Variants in VWCE observed in about 807,000 individuals in gnomAD.
VWCE encodes von Willebrand factor C and EGF domain-containing protein.
VWCE carries 68 observed loss-of-function variants against 102.9 expected under a neutral mutation model. That is an observed-to-expected ratio of 0.66 (90% CI 0.54 to 0.81). The LOEUF (loss-of-function observed/expected upper bound fraction) is 0.81, where lower values mean the gene tolerates loss of function less well. Ranked by LOEUF, VWCE falls within the 30% of genes least tolerant of loss-of-function variation. The probability of loss-of-function intolerance (pLI) is 0.00; values close to 1 mark genes in which losing one functional copy is unlikely to be tolerated. For missense variants in VWCE, 1,137 were observed against 1,263.6 expected (o/e 0.90, Z 1.52); for synonymous variants, 497 against 515.4 (o/e 0.96, Z 0.48).
Position 61,281,910 on chromosome 11 carries a change from T to G in VWCE, c.663A>C (p.Val221=). 1.2e-6 allele frequency: 2 copies of G among 1,613,248 alleles called. No homozygotes were observed. Among genetic ancestry groups the G allele is most frequent in the Non-Finnish European group, 1.7e-6 (2 of 1,179,494 alleles). ...TCTCCAATGGCCTCCGACACTCGTT[T>G]ACATCTGCGGGAGAGCCTCGCTGCG... The part of the protein sequence containing the change: ...LHGNRHSCVD[V]NECRRPLERR... The change falls in exon 7 of 20, where the codon GTA becomes GTC. Residue 221 remains valine (V), a synonymous_variant. Transcript: ENST00000335613.
intron 16 of VWCE, 48 bp from the exon 17 acceptor site, chr11:61,265,260 C>A (rs748259601): frequency 7.0e-7 from 1 of 1,430,226 alleles, no homozygotes; most frequent in Non-Finnish European, 9.3e-7. Flanking sequence ...GGGCAGCTGA[C>A]AAGACACTCA....
rs181075614 is a variant in VWCE, at chr11:61,273,849, C to T, written c.1582-533G>A. 1.2e-3 allele frequency: 187 copies of T among 156,282 alleles called. 1 individual carries two copies. The highest frequency in any genetic ancestry group is 9.7e-3 in the Middle Eastern group (3 of 308). 9.7% of individuals were successfully genotyped at this position (156,282 alleles called of 1,614,324 possible). ...GGCCCTGAGGTGCAAGAGCCTTGCT[C>T]CCCAGCACGGTCCACTGCCCAGAGC... On this transcript the variant is annotated intron_variant, in intron 12 of 19. Coordinates refer to ENST00000335613, the MANE Select transcript of VWCE (RefSeq NM_152718.2).
rs1855624363 is a variant in VWCE, at chr11:61,294,867, C to A, written c.110+61G>T. The A allele has an allele frequency of 8.3e-7, 1 of 1,211,686 alleles. No homozygotes were observed. Among genetic ancestry groups the A allele is most frequent in the Non-Finnish European group, 1.1e-6 (1 of 942,872 alleles). The allele number at this position is 1,211,686 out of a possible 1,614,324, so 75.1% of individuals were successfully genotyped here. A position where few individuals can be genotyped will look rare whatever the true frequency, so the allele number is the denominator to read the frequency against. On this transcript the variant is annotated intron_variant, in intron 1 of 19. Transcript: ENST00000335613. This position sits in a 1 kb window ranked among gnomAD's most constrained non-coding sequence, Gnocchi z 6.3. ...CTCCTGAGCGCCCCTCCGCGCCTCTCGACTGCACGCCGGTAGCGCTCTCCC... is the reference window on the plus strand; with the variant it reads ...CTCCTGAGCGCCCCTCCGCGCCTCTAGACTGCACGCCGGTAGCGCTCTCCC...
At chr11:61,260,704 A>C (rs1428587509) in intron 19 of VWCE, among the ~76,000 whole-genome samples, 1 of 152,174 alleles carries the variant, frequency 6.6e-6, no homozygotes, top group Non-Finnish European at 1.5e-5. Flanking sequence ...AAAATCATCT[A>C]AGTAAATCCC....
At chr11:61,263,561 T>C (rs1854419690) in intron 19 of VWCE, among the ~76,000 whole-genome samples, 1 of 152,068 alleles carries the variant, frequency 6.6e-6, no homozygotes, top group African/African-American at 2.4e-5. Flanking sequence ...ATGTGTTGTG[T>C]TGTGTTTTGT....
intron 9 of VWCE, among the ~76,000 whole-genome samples, chr11:61,279,184 A>G (rs1379500318): frequency 6.6e-6 from 1 of 152,208 alleles, no homozygotes; most frequent in East Asian, 1.9e-4. Context: ...CCCTGCAGGG[A>G]TCTTGGAAGG....
chr11:61,271,367 G>C, intron 14 of VWCE: 1 of 280,874 alleles, frequency 3.6e-6, no homozygotes, highest in Non-Finnish European at 7.1e-6. Flanking sequence ...GGATGGTCTC[G>C]ATCTCCTGAC....
At chr11:61,290,488 G>A (rs915146334) in intron 4 of VWCE, among the ~76,000 whole-genome samples, 2 of 149,330 alleles carry the variant, frequency 1.3e-5, no homozygotes, top group Admixed American at 6.7e-5. Flanking sequence ...CTCCAGCCTG[G>A]GCAAAAGAGT....
chr11:61,291,142 G>A (rs897978504), intron 3 of VWCE, 122 bp downstream of exon 3: 1 of 1,234,060 alleles, frequency 8.1e-7, no homozygotes, highest in Non-Finnish European at 1.1e-6. Flanking sequence ...GGCACAAAAT[G>A]TCTACCTAAT....
chr11:61,280,621 C>T lies in VWCE; in HGVS notation c.1324+3G>A, dbSNP rs1438368138. On this transcript the variant is annotated splice_donor_region_variant and intron_variant, in intron 9 of 19. Coordinates refer to ENST00000335613, the MANE Select transcript of VWCE (RefSeq NM_152718.2). ...TATGTCCTTCCCTGGCACCAGCTCT[C>T]ACCTGTGCACGATGGGCAGCACCCA... is the stretch of plus-strand genomic sequence containing the variant. 3 of 1,613,782 alleles carry T rather than the reference C, an allele frequency of 1.9e-6. No individual in the cohort carries two copies. The highest frequency in any genetic ancestry group is 1.6e-4 in the Middle Eastern group (1 of 6,084).
Position 61,258,692 on chromosome 11 carries a change from C to T in VWCE, c.2851G>A (p.Glu951Lys). Reference sequence around the variant, plus strand: ...TGACCTCCTTACATGGTGGACTCTTCCCCCCGAGAAGCCCCCACTGGGGGC... The same window carrying T: ...TGACCTCCTTACATGGTGGACTCTTTCCCCCGAGAAGCCCCCACTGGGGGC... The part of the protein sequence containing the change: ...QQPPVGASRG[E>K]ESTM Residue 951 changes from glutamate (E) to lysine (K), a missense_variant, in exon 20 of 20, where the codon GAA becomes AAA. Around this residue, in one of 5 missense-constraint regions of VWCE, gnomAD observed 316 missense variants for 319.3 expected, o/e 0.99. Transcript: ENST00000335613. The T allele has an allele frequency of 7.2e-7, 1 of 1,394,398 alleles. No individual in the cohort carries two copies. The highest frequency in any genetic ancestry group is 9.3e-7 in the Non-Finnish European group (1 of 1,071,220). The allele number at this position is 1,394,398 out of a possible 1,614,324, so 86.4% of individuals were successfully genotyped here. A position where few individuals can be genotyped will look rare whatever the true frequency, so the allele number is the denominator to read the frequency against.
chr11:61,268,361 C>A (rs1210564828), intron 15 of VWCE, among the ~76,000 whole-genome samples: 2 of 152,136 alleles, frequency 1.3e-5, no homozygotes, highest in Non-Finnish European at 2.9e-5. Flanking sequence ...CGAGACCAGC[C>A]TGGCCAACAT....
intron 15 of VWCE, 54 bp downstream of exon 15, chr11:61,268,868 C>A (rs1257228715): frequency 1.1e-5 from 17 of 1,581,868 alleles, no homozygotes; most frequent in Admixed American, 5.0e-5. Flanking sequence ...GCTTAAGGAG[C>A]CCGATGCCTG....
intron 13 of VWCE, among the ~76,000 whole-genome samples, 174 bp downstream of exon 13, chr11:61,273,025 A>G (rs1175388052): frequency 1.3e-5 from 2 of 149,438 alleles, no homozygotes; most frequent in African/African-American, 5.1e-5. Context: ...TTACACACAC[A>G]GGTACACACT....
chr11:61,267,828 G>T (rs984629766), intron 15 of VWCE, among the ~76,000 whole-genome samples: 1 of 152,128 alleles, frequency 6.6e-6, no homozygotes, highest in Non-Finnish European at 1.5e-5. Flanking sequence ...TCACCAGGGG[G>T]GATCAGGTGG....
In VWCE at chr11:61,259,195, CA is replaced by C. The variant is rs764195956; in HGVS notation, c.2347del (p.Cys783ValfsTer21). On this transcript the variant is annotated frameshift_variant, in exon 20 of 20. Transcript: ENST00000335613. LOFTEE classifies it low-confidence loss of function (END_TRUNC). ...GGGTGATGCTGTCGGGGGCCCAGGA[CA>C]GGAGCTACAGTTGACAGGGGCCTCA... Reference protein sequence around the residue: ...DTEAPVNCSSCPGPPTASPSR... With the variant: ...DTEAPVNCSSXPGPPTASPSR... 6.2e-7 allele frequency: 1 copy of C among 1,614,194 alleles called. No homozygotes were observed. Among genetic ancestry groups the C allele is most frequent in the South Asian group, 1.1e-5 (1 of 91,084 alleles).
At chr11:61,283,328 C>T (rs1176718737) in intron 5 of VWCE, among the ~76,000 whole-genome samples, 1 of 152,234 alleles carries the variant, frequency 6.6e-6, no homozygotes, top group Non-Finnish European at 1.5e-5. Flanking sequence ...CCATAGCTCA[C>T]GATGCCTTTG....
intron 4 of VWCE, among the ~76,000 whole-genome samples, chr11:61,289,046 T>C (rs1855418519): frequency 6.6e-6 from 1 of 151,490 alleles, no homozygotes; most frequent in Non-Finnish European, 1.5e-5. Context: ...ACCATGTTGG[T>C]CATGGCTGGT....
In VWCE at chr11:61,273,218, C is replaced by T. The variant is rs1202321960; in HGVS notation, c.1680G>A (p.Gln560=). 1.2e-6 allele frequency: 2 copies of T among 1,613,926 alleles called. No individual in the cohort carries two copies. The highest frequency in any genetic ancestry group is 1.1e-5 in the South Asian group (1 of 91,050). ...GCTCACCTGTCGAGGGTGTGGGCTC[C>T]TGGCAGGTGAAGCAACACTGCCCAG... ...LGPGQCCFTC[Q]EPTPSTGCSL... is the part of the protein sequence containing the mutation. Residue 560 remains glutamine (Q), a synonymous_variant, in exon 13 of 20, where the codon CAG becomes CAA. Transcript: ENST00000335613.
Sources: allele counts gnomAD v4.1 joint callset (sites outside exome capture counted in the v4.1 genomes callset), GRCh38; gene constraint gnomAD v4.1.1; regional missense constraint gnomAD v4.1.1; non-coding constraint Gnocchi (gnomAD v3.1); transcripts MANE v1.5; gene names NCBI Gene and HGNC (gene_info 2026-07-23, HGNC 2026-07-21).